Variants in CMTM7 observed in about 807,000 individuals in gnomAD.
The protein encoded by CMTM7 is CKLF-like MARVEL transmembrane domain-containing protein 7.
A neutral mutation model predicts 19.3 loss-of-function variants in CMTM7; 7 were observed. That is an observed-to-expected ratio of 0.36 (90% confidence interval 0.21 to 0.68). The LOEUF (loss-of-function observed/expected upper bound fraction) is 0.68. Ranked by LOEUF, CMTM7 falls within the 30% of genes least tolerant of loss-of-function variation. The pLI, the probability that CMTM7 is intolerant of heterozygous loss-of-function variation, is 0.60. For missense variants in CMTM7, 193 were observed against 232.6 expected (o/e 0.83, Z 1.11); for synonymous variants, 87 against 99.3 (o/e 0.88, Z 0.74).
chr3:32,409,963 T>C (rs1696148018), intron 1 of CMTM7, among the ~76,000 whole-genome samples: 1 of 152,238 alleles, frequency 6.6e-6, no homozygotes, highest in Non-Finnish European at 1.5e-5. Flanking sequence ...ATGAATTTGA[T>C]GTGAATCACC....
chr3:32,442,232 C>T (rs992555214), intron 2 of CMTM7, among the ~76,000 whole-genome samples: 2 of 151,722 alleles, frequency 1.3e-5, no homozygotes, highest in Non-Finnish European at 2.9e-5. Flanking sequence ...TGTGGCTGGC[C>T]GGGCGCGGTG....
chr3:32,439,451 G>T (rs1696644590), intron 1 of CMTM7, among the ~76,000 whole-genome samples: 1 of 152,072 alleles, frequency 6.6e-6, no homozygotes, highest in South Asian at 2.1e-4. Context: ...TTTGTGATTT[G>T]ATTTGATTTT....
At position 32,442,005 on chromosome 3, in the gene CMTM7, C is replaced by A; in HGVS notation, c.325C>A (p.Pro109Thr). The change falls in exon 2 of 5, where the codon CCC (proline) becomes ACC (threonine). Residue 109 changes from proline (P) to threonine (T), a missense_variant. Coordinates refer to ENST00000334983, the MANE Select transcript of CMTM7 (RefSeq NM_138410.4). ...CCGCGTGCTCACCTGTATCAGCTGG[C>A]CCCTGTCGGTAAGAGAGTGGTCTGG... Reference protein sequence around the residue: ...FYRVLTCISWPLSELLHYLIG... With the variant: ...FYRVLTCISWTLSELLHYLIG... The A allele has an allele frequency of 1.2e-6, 2 of 1,614,036 alleles. No individual in the cohort carries two copies. Among genetic ancestry groups the A allele is most frequent in the African/African-American group, 1.3e-5 (1 of 75,054 alleles).
chr3:32,424,058 T>G (rs2125631665), intron 1 of CMTM7, among the ~76,000 whole-genome samples: 1 of 152,286 alleles, frequency 6.6e-6, no homozygotes, highest in Middle Eastern at 3.4e-3. Flanking sequence ...ATTCTGCAGG[T>G]CGGGAATCCA....
intron 1 of CMTM7, 148 bp downstream of exon 1, chr3:32,392,213 G>C (rs1176662003): frequency 1.6e-6 from 1 of 637,842 alleles, no homozygotes; most frequent in Non-Finnish European, 2.2e-6. Context: ...TAAAGTTCGC[G>C]GCAGGCTTCC....
intron 1 of CMTM7, among the ~76,000 whole-genome samples, chr3:32,405,283 C>T (rs4353835): frequency 0.032 from 4,878 of 152,298 alleles, 143 homozygotes; most frequent in African/African-American, 0.067. Flanking sequence ...ATTGGTTGTG[C>T]AGCAGTAGAT....
intron 1 of CMTM7, among the ~76,000 whole-genome samples, chr3:32,400,180 C>T (rs1229330522): frequency 6.6e-6 from 1 of 151,822 alleles, no homozygotes; most frequent in African/African-American, 2.4e-5. Flanking sequence ...CCACCACACC[C>T]GGCTAATTTT....
intron 3 of CMTM7, among the ~76,000 whole-genome samples, chr3:32,450,818 G>C (rs1054105215): frequency 2.0e-5 from 3 of 152,144 alleles, no homozygotes; most frequent in Non-Finnish European, 4.4e-5. Context: ...GCACATAACT[G>C]TTTAGCCCTG....
intron 1 of CMTM7, among the ~76,000 whole-genome samples, chr3:32,426,348 A>AT (rs1402951841): frequency 6.6e-6 from 1 of 152,156 alleles, no homozygotes; most frequent in Non-Finnish European, 1.5e-5. Context: ...TGTCATGAAT[A>AT]TTTTCCCATG....
At chr3:32,399,732 G>A (rs1479701179) in intron 1 of CMTM7, among the ~76,000 whole-genome samples, 2 of 152,194 alleles carry the variant, frequency 1.3e-5, no homozygotes, top group African/African-American at 4.8e-5. Flanking sequence ...GCACACCCAT[G>A]TCCTACTTCC....
At chr3:32,400,044 GAC>G (rs1332283251) in intron 1 of CMTM7, among the ~76,000 whole-genome samples, 1 of 152,080 alleles carries the variant, frequency 6.6e-6, no homozygotes, top group Non-Finnish European at 1.5e-5. Context: ...TTTTAATTGA[GAC>G]AGAGTCTCAG....
At position 32,442,007 on chromosome 3, in the gene CMTM7, C is replaced by T; in HGVS notation, c.327C>T (p.Pro109=). 6.2e-7 allele frequency: 1 copy of T among 1,614,068 alleles called. No individual in the cohort carries two copies. Among genetic ancestry groups the T allele is most frequent in the Non-Finnish European group, 8.5e-7 (1 of 1,179,974 alleles). ...FYRVLTCISW[P]LSELLHYLIG... ...GCGTGCTCACCTGTATCAGCTGGCC[C>T]CTGTCGGTAAGAGAGTGGTCTGGCC... Residue 109 remains proline, a synonymous_variant, in exon 2 of 5, where the codon CCC becomes CCT. Coordinates refer to ENST00000334983, the MANE Select transcript of CMTM7 (RefSeq NM_138410.4).
intron 1 of CMTM7, among the ~76,000 whole-genome samples, chr3:32,440,070 TACACACACACACACACACAC>T (rs10526471): frequency 2.9e-4 from 44 of 150,064 alleles, no homozygotes; most frequent in Non-Finnish European, 5.6e-4. Flanking sequence ...ACCACACGCA[TACACACACACACACACACAC>T]ACACACACAC....
chr3:32,428,189 G>C (rs1696461257), intron 1 of CMTM7, among the ~76,000 whole-genome samples: 1 of 152,198 alleles, frequency 6.6e-6, no homozygotes, highest in South Asian at 2.1e-4. Context: ...CAGTGAGGAA[G>C]GCCCACCAGC....
At chr3:32,437,578 C>G (rs1186769016) in intron 1 of CMTM7, among the ~76,000 whole-genome samples, 1 of 151,756 alleles carries the variant, frequency 6.6e-6, no homozygotes, top group African/African-American at 2.4e-5. Context: ...GCCTGGGTGA[C>G]AGAGTGAGAC....
intron 1 of CMTM7, among the ~76,000 whole-genome samples, chr3:32,410,749 G>A (rs1357102584): frequency 1.3e-5 from 2 of 152,216 alleles, no homozygotes; most frequent in African/African-American, 4.8e-5. Context: ...TGTTGTGATA[G>A]CACCTTTCTT....
intron 1 of CMTM7, among the ~76,000 whole-genome samples, chr3:32,396,856 A>T (rs982912708): frequency 1.3e-5 from 2 of 152,256 alleles, no homozygotes; most frequent in African/African-American, 4.8e-5. Flanking sequence ...GGGTCTAGAT[A>T]TCCTTGCTGT....
At chr3:32,436,920 G>C (rs150104259) in intron 1 of CMTM7, among the ~76,000 whole-genome samples, 157 of 152,128 alleles carry the variant, frequency 1.0e-3, no homozygotes, top group African/African-American at 3.6e-3. Context: ...ATTTTTCATC[G>C]TAGACCTCAA....
intron 1 of CMTM7, among the ~76,000 whole-genome samples, chr3:32,402,935 A>G (rs1696031986): frequency 6.6e-6 from 1 of 152,238 alleles, no homozygotes; most frequent in Non-Finnish European, 1.5e-5. Context: ...AAGTTAATTA[A>G]ATGCTTTTGG....
Sources: allele counts gnomAD v4.1 joint callset (sites outside exome capture counted in the v4.1 genomes callset), GRCh38; gene constraint gnomAD v4.1.1; transcripts MANE v1.5; gene names NCBI Gene and HGNC (gene_info 2026-07-23, HGNC 2026-07-21).